NRP1: variants seen among roughly 807,000 people sequenced by gnomAD.
NRP1 encodes neuropilin-1.
In NRP1, 35 loss-of-function variants were observed where a neutral mutation model predicts 106.7. The observed-to-expected ratio is 0.33, with a 90% confidence interval of 0.25 to 0.43. The LOEUF is 0.43. Ranked by LOEUF, NRP1 falls within the 20% of genes least tolerant of loss-of-function variation. NRP1 has a pLI of 1.00. For missense variants in NRP1, 1,024 were observed against 1,170.4 expected (o/e 0.87, Z 1.83); for synonymous variants, 437 against 417.9 (o/e 1.05, Z -0.56).
intron 6 of NRP1, among the ~76,000 whole-genome samples, chr10:33,245,815 C>T (rs75432745): frequency 0.05 from 7,575 of 152,150 alleles, 674 homozygotes; most frequent in African/African-American, 0.17. Flanking sequence ...TTCTCTAGAC[C>T]ATAACTATGA....
At chr10:33,301,175 C>G (rs1845775501) in intron 2 of NRP1, among the ~76,000 whole-genome samples, 1 of 152,080 alleles carries the variant, frequency 6.6e-6, no homozygotes. Context: ...TGCCTGCAGT[C>G]CAGAGGAGCA....
chr10:33,202,762 C>A, intron 11 of NRP1, 129 bp downstream of exon 11: 1 of 1,578,396 alleles, frequency 6.3e-7, no homozygotes, highest in Non-Finnish European at 8.6e-7. Flanking sequence ...CGTGTTCTGG[C>A]AAGGCAGCTT....
At chr10:33,236,884 C>T (rs1478258348) in intron 6 of NRP1, among the ~76,000 whole-genome samples, 1 of 152,230 alleles carries the variant, frequency 6.6e-6, no homozygotes, top group Non-Finnish European at 1.5e-5. Flanking sequence ...GTGCTAACTT[C>T]CTGTACCTCA....
chr10:33,306,160 T>C (rs923069134), intron 2 of NRP1, among the ~76,000 whole-genome samples: 11 of 152,130 alleles, frequency 7.2e-5, no homozygotes, highest in East Asian at 1.9e-4. Flanking sequence ...AATCCATTTT[T>C]CCCCCCAACT....
Position 33,265,035 on chromosome 10 carries a change from G to A in NRP1, c.431-1162C>T, listed in dbSNP as rs528034431. 1.3e-4 allele frequency among the ~76,000 whole-genome samples: 20 copies of A among 151,162 alleles called. No homozygotes were observed. The East Asian group carries it at 2.4e-3, about 18-fold the overall frequency. On this transcript the variant is annotated intron_variant, in intron 3 of 16. Coordinates refer to ENST00000374867, the MANE Select transcript of NRP1 (RefSeq NM_003873.7). ...TGAGACAGGAGAATTGCTTGAACCC[G>A]GGAGGCAGAGGTTGCAGTGAGCCGA...
intron 12 of NRP1, among the ~76,000 whole-genome samples, chr10:33,197,063 T>C (rs546154401): frequency 6.6e-6 from 1 of 152,202 alleles, no homozygotes; most frequent in Admixed American, 6.5e-5. Context: ...TAACCGTGAC[T>C]GGCCCCTGAT....
intron 2 of NRP1, among the ~76,000 whole-genome samples, chr10:33,329,286 A>C (rs951602479): frequency 2.6e-5 from 4 of 152,192 alleles, no homozygotes; most frequent in African/African-American, 9.6e-5. Flanking sequence ...GAATTGGTGT[A>C]ATTTTGTTGC....
chr10:33,281,399 T>C (rs1564451943), intron 2 of NRP1, among the ~76,000 whole-genome samples: 1 of 152,050 alleles, frequency 6.6e-6, no homozygotes, highest in East Asian at 1.9e-4. Context: ...ATCACAGTCA[T>C]GCAGAGAGAA....
intron 6 of NRP1, among the ~76,000 whole-genome samples, chr10:33,236,260 A>C (rs1309500669): frequency 6.6e-6 from 1 of 152,236 alleles, no homozygotes; most frequent in Non-Finnish European, 1.5e-5. Context: ...TAAGTATGCT[A>C]CAGTTTTAAA....
At position 33,263,727 on chromosome 10, in the gene NRP1, CA is replaced by C. The variant is rs1474171837; in HGVS notation, c.576del (p.Phe192LeufsTer20). 6.2e-7 allele frequency: 1 copy of C among 1,614,026 alleles called. No individual in the cohort carries two copies. The highest frequency in any genetic ancestry group is 2.2e-5 in the East Asian group (1 of 44,858). On this transcript the variant is annotated frameshift_variant, in exon 4 of 17. Transcript: ENST00000374867. LOFTEE classifies it high-confidence loss of function. ...GGAGGATTTGAGTCAGGCTCCAGGT[CA>C]AAGCTTTCAAATTCCAGGATAATCT... Reference protein sequence around the residue: ...MSEIILEFESFDLEPDSNPPG... With the variant: ...MSEIILEFESXDLEPDSNPPG...
chr10:33,277,044 G>A (rs995738250), intron 2 of NRP1, among the ~76,000 whole-genome samples: 17 of 151,382 alleles, frequency 1.1e-4, no homozygotes, highest in African/African-American at 3.9e-4. Flanking sequence ...GTTTGAGGCT[G>A]CAGTGAGCTG....
rs1564356655 is a variant in NRP1, at chr10:33,179,050, A to G, written c.*1026T>C. ...GAGAAGAGAGTTTACATTTGAAAAT[A>G]CATTCCATATGAAAGAACAATAAGA... On this transcript the variant is annotated 3_prime_UTR_variant, in exon 17 of 17. Transcript: ENST00000374867. 1 of 152,676 alleles carries G rather than the reference A, an allele frequency of 6.5e-6. No individual in the cohort carries two copies. 9.5% of individuals were successfully genotyped at this position (152,676 alleles called of 1,614,324 possible).
intron 5 of NRP1, 38 bp from the exon 6 acceptor site, chr10:33,254,232 A>G (rs1842054039): frequency 6.5e-7 from 1 of 1,541,882 alleles, no homozygotes; most frequent in South Asian, 1.2e-5. Context: ...ATCAAAATAT[A>G]GGGGATTTAA....
chr10:33,266,072 A>G (rs1199241101), intron 3 of NRP1, among the ~76,000 whole-genome samples: 3 of 152,278 alleles, frequency 2.0e-5, no homozygotes, highest in East Asian at 3.9e-4. Flanking sequence ...GCCATGGTTT[A>G]TTAGTATCTG....
intron 2 of NRP1, among the ~76,000 whole-genome samples, chr10:33,296,294 A>G (rs1196293364): frequency 6.6e-6 from 1 of 152,180 alleles, no homozygotes; most frequent in Non-Finnish European, 1.5e-5. Flanking sequence ...GCCTGTTTGA[A>G]GCCAGGTTGC....
chr10:33,185,208 C>T (rs2474727), intron 15 of NRP1, among the ~76,000 whole-genome samples: 23,555 of 152,194 alleles, frequency 0.15, 2,411 homozygotes, highest in African/African-American at 0.29. Context: ...ATTAACAATG[C>T]ATTCTTAATT....
intron 2 of NRP1, among the ~76,000 whole-genome samples, chr10:33,310,722 C>T (rs1231231247): frequency 6.6e-6 from 1 of 152,158 alleles, no homozygotes; most frequent in Non-Finnish European, 1.5e-5. Context: ...TTACTGCCGC[C>T]AGTCACCTTC....
chr10:33,298,053 G>A (rs1377998709), intron 2 of NRP1, among the ~76,000 whole-genome samples: 1 of 151,866 alleles, frequency 6.6e-6, no homozygotes, highest in African/African-American at 2.4e-5. Flanking sequence ...TGGCAGGCAC[G>A]AAAATACACA....
In NRP1 at chr10:33,213,607, C is replaced by T. The variant is rs540725422; in HGVS notation, c.1393G>A (p.Val465Ile). The change falls in exon 9 of 17, where the codon GTA (valine) becomes ATA (isoleucine). Residue 465 changes from valine to isoleucine, a missense_variant. Val to Ile is a conservative substitution (Grantham distance 29). Transcript: ENST00000374867. ...AGTGCCCAGCCAGAGCGACTGGTTA[C>T]CAGGCGGATGTTTTCAGGCATCCAG... is the stretch of plus-strand genomic sequence containing the variant. ...RNWMPENIRLVTSRSGWALPP... is the reference protein window; with the variant it reads ...RNWMPENIRLITSRSGWALPP... 1 of 1,614,094 alleles carries T rather than the reference C, an allele frequency of 6.2e-7. No homozygotes were observed. Among genetic ancestry groups the T allele is most frequent in the East Asian group, 2.2e-5 (1 of 44,872 alleles).
Sources: allele counts gnomAD v4.1 joint callset (sites outside exome capture counted in the v4.1 genomes callset), GRCh38; gene constraint gnomAD v4.1.1; transcripts MANE v1.5; gene names NCBI Gene and HGNC (gene_info 2026-07-23, HGNC 2026-07-21).